LSAMP: variants seen among roughly 807,000 people sequenced by gnomAD.
LSAMP encodes limbic system-associated membrane protein.
Under a neutral mutation model 38.6 loss-of-function variants are expected in LSAMP, and 7 were observed. That is an observed-to-expected ratio of 0.18 (90% confidence interval 0.10 to 0.34). The LOEUF (loss-of-function observed/expected upper bound fraction) is 0.34. Ranked by LOEUF, LSAMP falls within the 10% of genes least tolerant of loss-of-function variation. The pLI, the probability that LSAMP is intolerant of heterozygous loss-of-function variation, is 1.00. For missense variants in LSAMP, 313 were observed against 420.0 expected, an observed-to-expected ratio of 0.75 and a Z score of 2.23; for synonymous variants, 154 against 166.8, an observed-to-expected ratio of 0.92 and a Z score of 0.59.
intron 4 of LSAMP, 114 bp from the exon 5 acceptor site, chr3:115,842,692 C>A: frequency 1.2e-5 from 16 of 1,321,332 alleles, no homozygotes; most frequent in Non-Finnish European, 1.7e-5. Context: ...AGGGAGCCAT[C>A]TTAAAGCTCC....
chr3:115,952,910 T>C (rs1486582933), intron 3 of LSAMP, among the ~76,000 whole-genome samples: 1 of 152,230 alleles, frequency 6.6e-6, no homozygotes, highest in African/African-American at 2.4e-5. Context: ...GAATGCTTAT[T>C]GTATACTGTC....
chr3:116,065,620 C>T lies in LSAMP; in HGVS notation c.388+20704G>A, dbSNP rs192324686. On this transcript the variant is annotated intron_variant, in intron 2 of 6. Transcript: ENST00000490035. ...AAAATAGGGACTGTAATATCTAACACCACACATTTCACAGGTATGCATGGA... is the reference window on the plus strand; with the variant it reads ...AAAATAGGGACTGTAATATCTAACATCACACATTTCACAGGTATGCATGGA... Among the ~76,000 whole-genome samples, 47 of 152,282 alleles carry T rather than the reference C, an allele frequency of 3.1e-4. No individual in the cohort carries two copies. In the East Asian group the frequency reaches 8.5e-3, roughly 28 times the overall value.
intron 1 of LSAMP, among the ~76,000 whole-genome samples, chr3:116,367,178 T>C (rs1187124587): frequency 6.6e-6 from 1 of 152,230 alleles, no homozygotes; most frequent in Non-Finnish European, 1.5e-5. Flanking sequence ...TAAGATCCTA[T>C]GTTTCTTGAA....
At chr3:115,846,898 G>A (rs1210389840) in intron 4 of LSAMP, among the ~76,000 whole-genome samples, 2 of 152,180 alleles carry the variant, frequency 1.3e-5, no homozygotes, top group African/African-American at 4.8e-5. Flanking sequence ...ATCAGGAAAT[G>A]CAGACTCAAT....
chr3:116,256,896 C>G (rs1161640962), intron 1 of LSAMP, among the ~76,000 whole-genome samples: 3 of 152,178 alleles, frequency 2.0e-5, no homozygotes, highest in South Asian at 4.1e-4. Context: ...TCACAAAAAT[C>G]AAGTCCTATT....
chr3:116,171,428 A>C (rs1710195632), intron 1 of LSAMP, among the ~76,000 whole-genome samples: 1 of 152,100 alleles, frequency 6.6e-6, no homozygotes, highest in Admixed American at 6.6e-5. Context: ...CTACACTCAA[A>C]GTATTATCAC....
chr3:116,439,508 A>G (rs1294096545), intron 1 of LSAMP, among the ~76,000 whole-genome samples: 4 of 149,386 alleles, frequency 2.7e-5, no homozygotes, highest in Non-Finnish European at 4.4e-5. Flanking sequence ...AGCCCTCCAC[A>G]TACACACTGA....
intron 1 of LSAMP, among the ~76,000 whole-genome samples, chr3:116,343,504 A>G (rs1325640132): frequency 2.6e-5 from 4 of 152,134 alleles, no homozygotes; most frequent in African/African-American, 9.6e-5. Context: ...AAGTGCTTTA[A>G]TGGAAACAAG....
At chr3:115,885,055 A>G (rs1282037540) in intron 3 of LSAMP, among the ~76,000 whole-genome samples, 1 of 152,084 alleles carries the variant, frequency 6.6e-6, no homozygotes, top group Admixed American at 6.6e-5. Flanking sequence ...TAATCCAAGT[A>G]AAAACATTTA....
At chr3:116,079,631 CAAAAAAAAAAA>C (rs34038261) in intron 2 of LSAMP, among the ~76,000 whole-genome samples, 1 of 86,130 alleles carries the variant, frequency 1.2e-5, no homozygotes, top group Admixed American at 1.3e-4. Context: ...GACTCTGTCT[CAAAAAAAAAAA>C]AAAAAAAAAA....
chr3:116,112,417 G>C (rs1388114909), intron 1 of LSAMP, among the ~76,000 whole-genome samples: 1 of 152,300 alleles, frequency 6.6e-6, no homozygotes, highest in East Asian at 1.9e-4. Flanking sequence ...CTCAAAGGAA[G>C]GGTGTGGAGA....
intron 1 of LSAMP, among the ~76,000 whole-genome samples, chr3:116,272,198 T>C (rs942607745): frequency 6.6e-6 from 1 of 152,098 alleles, no homozygotes; most frequent in Non-Finnish European, 1.5e-5. Flanking sequence ...TATGTGCGAA[T>C]AACACTTCTG....
chr3:116,155,978 G>A (rs952204942), intron 1 of LSAMP, among the ~76,000 whole-genome samples: 1 of 152,176 alleles, frequency 6.6e-6, no homozygotes, highest in Non-Finnish European at 1.5e-5. Context: ...TTCCCTGGTT[G>A]CTTCAGGAAC....
intron 1 of LSAMP, among the ~76,000 whole-genome samples, chr3:116,124,053 A>G (rs966108437): frequency 6.6e-6 from 1 of 152,200 alleles, no homozygotes; most frequent in African/African-American, 2.4e-5. Context: ...CAGAGAAGCA[A>G]CAAATGCAAC....
chr3:116,417,383 T>C (rs1312314996), intron 1 of LSAMP, among the ~76,000 whole-genome samples: 2 of 152,188 alleles, frequency 1.3e-5, no homozygotes, highest in Middle Eastern at 3.2e-3. Context: ...ATGCTGTCCA[T>C]GCTGGAGGAT....
intron 2 of LSAMP, among the ~76,000 whole-genome samples, chr3:116,068,432 G>C (rs148792463): frequency 6.7e-6 from 1 of 149,972 alleles, no homozygotes; most frequent in East Asian, 1.9e-4. Flanking sequence ...CTTCTGACTG[G>C]ATATGTGGTA....
At chr3:115,949,386 A>C (rs1297676250) in intron 3 of LSAMP, among the ~76,000 whole-genome samples, 2 of 150,634 alleles carry the variant, frequency 1.3e-5, no homozygotes, top group Non-Finnish European at 3.0e-5. Flanking sequence ...TCTCTTAAAA[A>C]TAGTTTTTTT....
At chr3:116,031,702 G>GT (rs1399902723) in intron 2 of LSAMP, among the ~76,000 whole-genome samples, 2 of 150,670 alleles carry the variant, frequency 1.3e-5, no homozygotes, top group Admixed American at 6.7e-5. Context: ...AATAAAAGTT[G>GT]TTTTTTGCCA....
chr3:116,164,362 A>G (rs1709978529), intron 1 of LSAMP, among the ~76,000 whole-genome samples: 1 of 151,544 alleles, frequency 6.6e-6, no homozygotes, highest in African/African-American at 2.4e-5. Flanking sequence ...ATCATGTAAG[A>G]GTTGTGCCAA....
Sources: allele counts gnomAD v4.1 joint callset (sites outside exome capture counted in the v4.1 genomes callset), GRCh38; gene constraint gnomAD v4.1.1; transcripts MANE v1.5; gene names NCBI Gene and HGNC (gene_info 2026-07-23, HGNC 2026-07-21).